Variants in CCDC178 observed in about 807,000 individuals in gnomAD.
CCDC178 encodes coiled-coil domain-containing protein 178.
A neutral mutation model predicts 117.4 loss-of-function variants in CCDC178; 126 were observed. That is an observed-to-expected ratio of 1.07 (90% CI 0.93 to 1.24). The LOEUF (loss-of-function observed/expected upper bound fraction) is 1.24. Ranked by LOEUF, CCDC178 falls within the 50% of genes most tolerant of loss-of-function variation. The pLI is 0.00. For synonymous variants in CCDC178, 283 were observed against 313.4 expected (o/e 0.90, Z 1.02); for missense variants, 1,030 against 986.9 (o/e 1.04, Z -0.59).
chr18:33,288,161 C>T (rs1373705835), intron 12 of CCDC178, among the ~76,000 whole-genome samples: 1 of 152,050 alleles, frequency 6.6e-6, no homozygotes, highest in Non-Finnish European at 1.5e-5. Flanking sequence ...TTTACAGGCT[C>T]ACAAGGTGTA....
chr18:33,193,950 T>C (rs966681861), intron 20 of CCDC178, among the ~76,000 whole-genome samples: 1 of 152,196 alleles, frequency 6.6e-6, no homozygotes, highest in Non-Finnish European at 1.5e-5. Flanking sequence ...CATCATCACA[T>C]GGAGGAAGGC....
intron 21 of CCDC178, among the ~76,000 whole-genome samples, chr18:33,032,453 C>T (rs1392837781): frequency 6.6e-6 from 1 of 152,106 alleles, no homozygotes; most frequent in Non-Finnish European, 1.5e-5. Context: ...GATGGGTTCT[C>T]AAGAGGAGGC....
At chr18:33,300,759 T>A (rs1336476196) in intron 11 of CCDC178, among the ~76,000 whole-genome samples, 1 of 152,188 alleles carries the variant, frequency 6.6e-6, no homozygotes, top group Non-Finnish European at 1.5e-5. Context: ...AAGATGTAGC[T>A]TGGCTGCTTC....
At chr18:33,144,152 A>G (rs981527437) in intron 20 of CCDC178, among the ~76,000 whole-genome samples, 1 of 152,106 alleles carries the variant, frequency 6.6e-6, no homozygotes, top group Non-Finnish European at 1.5e-5. Context: ...TTGCTCTCCA[A>G]CTACCCGCAA....
intron 21 of CCDC178, among the ~76,000 whole-genome samples, chr18:33,046,372 C>A (rs1043734425): frequency 6.6e-6 from 1 of 151,988 alleles, no homozygotes; most frequent in Non-Finnish European, 1.5e-5. Context: ...CACCTTTTTT[C>A]CAACCATTTA....
chr18:33,055,412 C>T (rs1009877634), intron 21 of CCDC178, among the ~76,000 whole-genome samples: 1 of 152,056 alleles, frequency 6.6e-6, no homozygotes, highest in African/African-American at 2.4e-5. Context: ...ACATGGCTCA[C>T]TGTAGGCCCA....
chr18:33,354,649 C>A (rs1238335173), intron 7 of CCDC178, among the ~76,000 whole-genome samples: 1 of 148,228 alleles, frequency 6.7e-6, no homozygotes, highest in Admixed American at 6.8e-5. Flanking sequence ...CTCACTCTGT[C>A]GCCCAGGTTG....
chr18:33,219,909 CTTAAAGT>C (rs1362590872), intron 18 of CCDC178, among the ~76,000 whole-genome samples: 1 of 151,948 alleles, frequency 6.6e-6, no homozygotes, highest in Admixed American at 6.6e-5. Context: ...TACCCTAGAA[CTTAAAGT>C]ATAATAATGA....
At chr18:33,306,590 G>T (rs112754109) in intron 11 of CCDC178, among the ~76,000 whole-genome samples, 15,984 of 106,764 alleles carry the variant, frequency 0.15, 1,279 homozygotes, top group East Asian at 0.37. Flanking sequence ...TTATATATAT[G>T]GTTATATATG....
intron 21 of CCDC178, among the ~76,000 whole-genome samples, chr18:33,025,892 A>C (rs141981310): frequency 1.3e-5 from 2 of 152,258 alleles, no homozygotes; most frequent in Non-Finnish European, 2.9e-5. Context: ...CAGAGAAGTG[A>C]CATGTTCACA....
intron 21 of CCDC178, among the ~76,000 whole-genome samples, chr18:33,030,751 A>G (rs1433735999): frequency 1.3e-5 from 2 of 152,188 alleles, no homozygotes; most frequent in African/African-American, 4.8e-5. Flanking sequence ...ATAGATCAAT[A>G]GACATAGATG....
rs115449155 is a variant in CCDC178 at position 32,962,299 on chromosome 18, C to T, written c.2523+12248G>A. Among the ~76,000 whole-genome samples the T allele has an allele frequency of 3.3e-3, 498 of 152,016 alleles. 1 individual carries two copies. The highest frequency in any genetic ancestry group is 0.012 in the African/African-American group (485 of 41,498). Reference sequence around the variant, plus strand: ...CAGTTGTCTTTTTAATAAATGAAGACAATAAAAAGAGAGTCTTTTACATTT... The same window carrying T: ...CAGTTGTCTTTTTAATAAATGAAGATAATAAAAAGAGAGTCTTTTACATTT... On this transcript the variant is annotated intron_variant, in intron 22 of 22. Transcript: ENST00000383096.
intron 21 of CCDC178, among the ~76,000 whole-genome samples, chr18:33,067,850 TAAAA>T (rs2057043145): frequency 6.9e-6 from 1 of 144,416 alleles, no homozygotes; most frequent in African/African-American, 2.6e-5. Context: ...AATAAATAAA[TAAAA>T]AGAAAGAAAG....
chr18:33,050,988 C>G (rs945450681), intron 21 of CCDC178, among the ~76,000 whole-genome samples: 3 of 152,166 alleles, frequency 2.0e-5, no homozygotes, highest in African/African-American at 7.2e-5. Context: ...TCTTGACACA[C>G]TGCAACCTCC....
chr18:33,237,523 C>A (rs566520826), intron 15 of CCDC178, among the ~76,000 whole-genome samples: 1 of 152,126 alleles, frequency 6.6e-6, no homozygotes, highest in Non-Finnish European at 1.5e-5. Context: ...GTGCCCATGT[C>A]GACTCGATAA....
intron 11 of CCDC178, among the ~76,000 whole-genome samples, chr18:33,300,938 C>T (rs528926550): frequency 3.9e-5 from 6 of 152,232 alleles, no homozygotes; most frequent in African/African-American, 1.4e-4. Context: ...ATTAGTATGA[C>T]TAAAAGAGAG....
At chr18:32,980,987 T>C (rs1364318560) in intron 21 of CCDC178, among the ~76,000 whole-genome samples, 1 of 152,148 alleles carries the variant, frequency 6.6e-6, no homozygotes. Context: ...AACAATCTAA[T>C]TGTCTTTGAA....
In CCDC178 at chr18:32,974,679, G is replaced by T; in HGVS notation, c.2391C>A (p.Leu797=). 1 of 1,612,596 alleles carries T rather than the reference G, an allele frequency of 6.2e-7. No homozygotes were observed. Among genetic ancestry groups the T allele is most frequent in the Non-Finnish European group, 8.5e-7 (1 of 1,179,686 alleles). Residue 797 remains leucine, a splice_region_variant and synonymous_variant, in exon 22 of 23, where the codon CTC becomes CTA. Coordinates refer to ENST00000383096, the MANE Select transcript of CCDC178 (RefSeq NM_001105528.4). ...TGTGCATCCTTCTCTGCAGCTGACA[G>T]AGCTAAAGGGAAGAGGGAGGGGAGA... ...LDTSIRDKKQ[L]CQLQRRMHTL...
At chr18:33,383,162 A>G (rs1249565929) in intron 5 of CCDC178, among the ~76,000 whole-genome samples, 1 of 152,210 alleles carries the variant, frequency 6.6e-6, no homozygotes, top group Non-Finnish European at 1.5e-5. Flanking sequence ...CTCACTGGGC[A>G]TGGACAGGGC....
Sources: allele counts gnomAD v4.1 joint callset (sites outside exome capture counted in the v4.1 genomes callset), GRCh38; gene constraint gnomAD v4.1.1; transcripts MANE v1.5; gene names NCBI Gene and HGNC (gene_info 2026-07-23, HGNC 2026-07-21).